Variants in RUNX2 observed in about 807,000 individuals in gnomAD.
The protein encoded by RUNX2 is RUNX family transcription factor 2, also known as runt-related transcription factor 2.
A neutral mutation model predicts 51.7 loss-of-function variants in RUNX2; 10 were observed. That is an observed-to-expected ratio of 0.19 (90% CI 0.12 to 0.33). The LOEUF is 0.33. RUNX2 is among the 10% of genes least tolerant of loss of function. RUNX2 has a pLI of 1.00. For synonymous variants in RUNX2, 276 were observed against 273.6 expected (o/e 1.01, Z -0.09); for missense variants, 562 against 691.3 (o/e 0.81, Z 2.10).
At chr6:45,469,332 A>G (rs929417391) in intron 5 of RUNX2, among the ~76,000 whole-genome samples, 3 of 152,246 alleles carry the variant, frequency 2.0e-5, no homozygotes, top group African/African-American at 7.2e-5. Context: ...TTAAAAGAAT[A>G]TTTGTAAAGA....
intron 4 of RUNX2, among the ~76,000 whole-genome samples, chr6:45,434,055 G>C (rs553451491): frequency 6.6e-6 from 1 of 152,194 alleles, no homozygotes; most frequent in East Asian, 1.9e-4. Flanking sequence ...TAGGGGGAGT[G>C]GGTGGAGAGA....
intron 5 of RUNX2, among the ~76,000 whole-genome samples, chr6:45,459,686 A>G (rs892892506): frequency 2.0e-5 from 3 of 152,202 alleles, no homozygotes; most frequent in Non-Finnish European, 2.9e-5. Flanking sequence ...CTTGTGTTCT[A>G]TTGAAAGAGG....
At chr6:45,520,130 C>T (rs1434705416) in intron 7 of RUNX2, among the ~76,000 whole-genome samples, 1 of 152,042 alleles carries the variant, frequency 6.6e-6, no homozygotes, top group Non-Finnish European at 1.5e-5. Context: ...CTGCACCCGA[C>T]CGGATGCTAT....
At chr6:45,406,704 T>C (rs1380191063) in intron 2 of RUNX2, among the ~76,000 whole-genome samples, 1 of 152,132 alleles carries the variant, frequency 6.6e-6, no homozygotes, top group Non-Finnish European at 1.5e-5. Context: ...TTTTATTGCA[T>C]GTTAAATAGG....
At chr6:45,493,508 G>T (rs529363829) in intron 6 of RUNX2, among the ~76,000 whole-genome samples, 5 of 149,062 alleles carry the variant, frequency 3.4e-5, no homozygotes, top group Admixed American at 6.6e-5. Flanking sequence ...ATGGGAGAGT[G>T]GGGGGGCGGT....
chr6:45,337,534 T>C (rs1048753931), intron 2 of RUNX2, among the ~76,000 whole-genome samples: 1 of 151,860 alleles, frequency 6.6e-6, no homozygotes, highest in African/African-American at 2.4e-5. Context: ...GTAAGTTCTT[T>C]TGCTACGCCA....
At chr6:45,461,413 GA>G (rs1799472882) in intron 5 of RUNX2, among the ~76,000 whole-genome samples, 2 of 152,184 alleles carry the variant, frequency 1.3e-5, no homozygotes, top group African/African-American at 4.8e-5. Flanking sequence ...GGAAGACGTA[GA>G]AGGGAAGGGA....
rs148213772 is a variant in RUNX2, at chr6:45,502,458, G to A, written c.860-9788G>A. Among the ~76,000 whole-genome samples the A allele has an allele frequency of 4.1e-3, 628 of 152,162 alleles. 1 individual carries two copies. The highest frequency in any genetic ancestry group is 6.6e-3 in the Non-Finnish European group (449 of 68,006). On this transcript the variant is annotated intron_variant, in intron 6 of 8. Transcript: ENST00000647337. ...AACATACAGATGCCCAGGTTCTACC[G>A]CTGAATTAGAAGGTGTGAGGTGGAG...
At chr6:45,400,585 TAC>T (rs1223788504) in intron 2 of RUNX2, among the ~76,000 whole-genome samples, 2 of 152,266 alleles carry the variant, frequency 1.3e-5, no homozygotes, top group Non-Finnish European at 2.9e-5. Flanking sequence ...CCTGAAAGTT[TAC>T]AGTCTTGTGA....
chr6:45,383,252 C>T (rs781267683), intron 2 of RUNX2, among the ~76,000 whole-genome samples: 1 of 151,946 alleles, frequency 6.6e-6, no homozygotes, highest in Non-Finnish European at 1.5e-5. Context: ...GCCAACATAA[C>T]GAAACCTCAT....
chr6:45,474,367 TTA>T (rs892473711), intron 5 of RUNX2, among the ~76,000 whole-genome samples: 10 of 128,148 alleles, frequency 7.8e-5, no homozygotes, highest in East Asian at 6.5e-4. Flanking sequence ...TTTTTATGTT[TTA>T]TATATGTGTG....
chr6:45,407,714 G>C (rs1351384393), intron 2 of RUNX2, among the ~76,000 whole-genome samples: 6 of 151,874 alleles, frequency 4.0e-5, no homozygotes, highest in African/African-American at 1.5e-4. Context: ...TGCCCAGGCT[G>C]GTCTTGAACT....
Position 45,448,773 on chromosome 6 carries a change from G to A in RUNX2, c.685+10722G>A, listed in dbSNP as rs114495871. On this transcript the variant is annotated intron_variant, in intron 5 of 8. Transcript: ENST00000647337. ...AAACGCTAGCATGTATTTTGGTTGC[G>A]GGGGATACTCAGGATGATTAATCTG... 5.0e-3 allele frequency among the ~76,000 whole-genome samples: 754 copies of A among 152,212 alleles called. 7 individuals carry two copies. Among genetic ancestry groups the A allele is most frequent in the African/African-American group, 0.017 (711 of 41,532 alleles).
chr6:45,420,162 G>A (rs62400353), intron 2 of RUNX2, among the ~76,000 whole-genome samples: 25,812 of 152,122 alleles, frequency 0.17, 2,713 homozygotes, highest in Non-Finnish European at 0.25. Context: ...CCCGCGGTCT[G>A]GCAGACCCTC....
At chr6:45,395,044 C>A (rs935427337) in intron 2 of RUNX2, among the ~76,000 whole-genome samples, 8 of 152,150 alleles carry the variant, frequency 5.3e-5, no homozygotes, top group African/African-American at 1.9e-4. Flanking sequence ...TAGTCTCCAG[C>A]GCTTAATGAA....
In RUNX2 at chr6:45,491,970, C is replaced by T. The variant is rs752156180; in HGVS notation, c.715C>T (p.Pro239Ser). 1.2e-6 allele frequency: 2 copies of T among 1,613,824 alleles called. No homozygotes were observed. The highest frequency in any genetic ancestry group is 1.1e-5 in the South Asian group (1 of 91,070). ...RHRQKLDDSK[P>S]SLFSDRLSDL... ...CAGACAGAAGCTTGATGACTCTAAA[C>T]CTAGTTTGTTCTCTGACCGCCTCAG... is the stretch of plus-strand genomic sequence containing the variant. Residue 239 changes from proline (P) to serine (S), a missense_variant, in exon 6 of 9, where the codon CCT (proline) becomes TCT (serine). Physicochemically the swap from Pro to Ser is moderately conservative, Grantham distance 74. This residue lies in a region of RUNX2 where 37 missense variants were observed against 66.5 expected (regional missense o/e 0.56). Transcript: ENST00000647337.
In RUNX2 at chr6:45,454,462, C is replaced by G. The variant is rs147081589; in HGVS notation, c.685+16411C>G. The stretch of plus-strand genomic sequence containing the variant: ...AGATAGATGCCTTTGGTTATTACCA[C>G]TTTTGCTAAATGCCTCTCTGCTAAG... On this transcript the variant is annotated intron_variant, in intron 5 of 8. Coordinates refer to ENST00000647337, the MANE Select transcript of RUNX2 (RefSeq NM_001024630.4). 7.6e-3 allele frequency among the ~76,000 whole-genome samples: 1,161 copies of G among 152,288 alleles called. 7 individuals are homozygous for G. The highest frequency in any genetic ancestry group is 0.011 in the Non-Finnish European group (743 of 68,020).
intron 7 of RUNX2, among the ~76,000 whole-genome samples, chr6:45,543,960 G>T (rs552888626): frequency 1.3e-5 from 2 of 150,840 alleles, no homozygotes; most frequent in East Asian, 3.9e-4. Context: ...AAGGGATCTC[G>T]TATGGTACTA....
intron 5 of RUNX2, among the ~76,000 whole-genome samples, chr6:45,490,849 G>T (rs1399637898): frequency 6.6e-6 from 1 of 152,040 alleles, no homozygotes; most frequent in Non-Finnish European, 1.5e-5. Flanking sequence ...TGTTAGGGCA[G>T]CACCCTAGGG....
Sources: allele counts gnomAD v4.1 joint callset (sites outside exome capture counted in the v4.1 genomes callset), GRCh38; gene constraint gnomAD v4.1.1; regional missense constraint gnomAD v4.1.1; transcripts MANE v1.5; gene names NCBI Gene and HGNC (gene_info 2026-07-23, HGNC 2026-07-21).